The following IL1RAPL2 variants were observed in gnomAD, a reference collection of about 807,000 sequenced individuals.
The protein encoded by IL1RAPL2 is interleukin 1 receptor accessory protein like 2, also known as X-linked interleukin-1 receptor accessory protein-like 2.
A neutral mutation model predicts 44.1 loss-of-function variants in IL1RAPL2; 3 were observed. The ratio of observed to expected loss-of-function variants is 0.07; its 90% CI spans 0.03 to 0.18. The LOEUF is 0.18. IL1RAPL2 is among the 10% of genes least tolerant of loss of function. The pLI is 1.00. For synonymous variants in IL1RAPL2, 181 were observed against 178.8 expected (o/e 1.01, Z -0.10); for missense variants, 391 against 496.4 (o/e 0.79, Z 2.02).
At chrX:104,989,308 C>T (rs759986111) in intron 2 of IL1RAPL2, among the ~76,000 whole-genome samples, 2 of 111,519 alleles carry the variant, frequency 1.8e-5, no homozygotes, top group South Asian at 7.5e-4. Flanking sequence ...TACTTCTAGT[C>T]CCAAAGAGAG....
chrX:105,294,894 C>T (rs1217048904), intron 5 of IL1RAPL2, among the ~76,000 whole-genome samples: 2 of 111,521 alleles, frequency 1.8e-5, no homozygotes, highest in African/African-American at 6.5e-5. Context: ...CCCTATAGTT[C>T]TGTGTGTGGG....
At chrX:105,138,128 C>G (rs983301443) in intron 2 of IL1RAPL2, among the ~76,000 whole-genome samples, 1 of 110,938 alleles carries the variant, frequency 9.0e-6, no homozygotes, top group Non-Finnish European at 1.9e-5. Context: ...CAGTTGTTCC[C>G]AGTAAGTCCT....
At chrX:105,395,364 T>C (rs1335304954) in intron 5 of IL1RAPL2, among the ~76,000 whole-genome samples, 1 of 109,897 alleles carries the variant, frequency 9.1e-6, no homozygotes, top group African/African-American at 3.3e-5. Context: ...AGAGATATTC[T>C]TAATTTTTTT....
intron 2 of IL1RAPL2, among the ~76,000 whole-genome samples, chrX:104,680,810 A>G (rs893242272): frequency 1.8e-5 from 2 of 111,615 alleles, no homozygotes; most frequent in African/African-American, 6.5e-5. Flanking sequence ...CCTGCCCTAT[A>G]TGAAAGATTC....
At chrX:104,827,978 G>A (rs763906305) in intron 2 of IL1RAPL2, among the ~76,000 whole-genome samples, 2 of 111,633 alleles carry the variant, frequency 1.8e-5, no homozygotes, top group Non-Finnish European at 3.8e-5. Context: ...GCTCCACTGG[G>A]TCATTTATGT....
At chrX:105,582,592 A>G (rs996122307) in intron 6 of IL1RAPL2, among the ~76,000 whole-genome samples, 2 of 110,682 alleles carry the variant, frequency 1.8e-5, no homozygotes, top group African/African-American at 6.5e-5. Context: ...TTCTTAGGGG[A>G]GAAGCCTTCA....
At chrX:105,164,326 G>A (rs1055418797) in intron 2 of IL1RAPL2, among the ~76,000 whole-genome samples, 1 of 111,633 alleles carries the variant, frequency 9.0e-6, no homozygotes, top group Non-Finnish European at 1.9e-5. Context: ...TGTGTTGAGG[G>A]CGACCAATCT....
At chrX:105,539,808 C>T (rs371095612) in intron 6 of IL1RAPL2, among the ~76,000 whole-genome samples, 3 of 111,502 alleles carry the variant, frequency 2.7e-5, no homozygotes, top group East Asian at 5.6e-4. Context: ...GTGTGATGAA[C>T]TTAAACAATT....
At chrX:105,670,105 GTATATATATATATATA>G (rs1171872748) in intron 6 of IL1RAPL2, among the ~76,000 whole-genome samples, 1,733 of 11,683 alleles carry the variant, frequency 0.15, 229 homozygotes, top group African/African-American at 0.37. Context: ...TGGGTTTCCT[GTATATATATATATATA>G]TATATATATA....
At chrX:104,951,856 T>C (rs911812029) in intron 2 of IL1RAPL2, among the ~76,000 whole-genome samples, 4 of 112,217 alleles carry the variant, frequency 3.6e-5, no homozygotes, top group Non-Finnish European at 7.5e-5. Context: ...TAACTGCTAA[T>C]GTCAACTATG....
intron 3 of IL1RAPL2, among the ~76,000 whole-genome samples, chrX:105,230,137 G>A (rs782451513): frequency 8.1e-5 from 9 of 111,792 alleles, no homozygotes; most frequent in Admixed American, 7.6e-4. Context: ...CTACCTCTTT[G>A]ACCTCCAAGG....
chrX:105,361,526 AATAAG>A (rs1264757596), intron 5 of IL1RAPL2, among the ~76,000 whole-genome samples: 1 of 111,804 alleles, frequency 8.9e-6, no homozygotes, highest in Admixed American at 9.6e-5. Context: ...GAATAGGAGA[AATAAG>A]ATAAGGTCAA....
At chrX:104,699,609 T>G (rs1931241291) in intron 2 of IL1RAPL2, among the ~76,000 whole-genome samples, 1 of 112,306 alleles carries the variant, frequency 8.9e-6, no homozygotes, top group Non-Finnish European at 1.9e-5. Flanking sequence ...TGGTACTGGT[T>G]CACGGCCTGG....
intron 6 of IL1RAPL2, among the ~76,000 whole-genome samples, chrX:105,709,337 C>T (rs890848137): frequency 8.9e-6 from 1 of 111,776 alleles, no homozygotes; most frequent in African/African-American, 3.2e-5. Flanking sequence ...GGCCAAAAAC[C>T]AAATGGCCCA....
At chrX:104,999,094 C>T (rs950594618) in intron 2 of IL1RAPL2, among the ~76,000 whole-genome samples, 3 of 111,814 alleles carry the variant, frequency 2.7e-5, no homozygotes, top group Non-Finnish European at 5.6e-5. Context: ...AGGCACTGTG[C>T]CCAGCTTAGA....
intron 2 of IL1RAPL2, among the ~76,000 whole-genome samples, chrX:105,152,772 ATGT>A (rs1431538320): frequency 8.9e-6 from 1 of 111,861 alleles, no homozygotes. Flanking sequence ...GGGAGTGAGT[ATGT>A]TATTACCAGA....
At chrX:105,422,088 C>T (rs960966686) in intron 5 of IL1RAPL2, among the ~76,000 whole-genome samples, 1 of 111,879 alleles carries the variant, frequency 8.9e-6, no homozygotes, top group African/African-American at 3.2e-5. Flanking sequence ...TTATACTTGG[C>T]CTGATTATTT....
At chrX:104,773,460 C>A (rs1416305270) in intron 2 of IL1RAPL2, among the ~76,000 whole-genome samples, 1 of 111,480 alleles carries the variant, frequency 9.0e-6, no homozygotes, top group African/African-American at 3.3e-5. Flanking sequence ...TGAAACCACA[C>A]TTTTATTTCC....
At chrX:105,478,567 C>A (rs2036212859) in intron 5 of IL1RAPL2, among the ~76,000 whole-genome samples, 1 of 110,770 alleles carries the variant, frequency 9.0e-6, no homozygotes, top group Non-Finnish European at 1.9e-5. Context: ...AAAAAAACAA[C>A]AAAACCAGTT....
Sources: allele counts gnomAD v4.1 joint callset (sites outside exome capture counted in the v4.1 genomes callset), GRCh38; gene constraint gnomAD v4.1.1; transcripts MANE v1.5; gene names NCBI Gene and HGNC (gene_info 2026-07-23, HGNC 2026-07-21).